Variants in PPP2R2C observed in about 807,000 individuals in gnomAD.
The protein encoded by PPP2R2C is protein phosphatase 2, regulatory subunit B, gamma.
Under a neutral mutation model 45.3 loss-of-function variants are expected in PPP2R2C, and 10 were observed. That is an observed-to-expected ratio of 0.22 (90% CI 0.14 to 0.37). PPP2R2C has a LOEUF of 0.37. PPP2R2C is among the 10% of genes least tolerant of loss of function. The pLI, the probability that PPP2R2C is intolerant of heterozygous loss-of-function variation, is 1.00. For missense variants in PPP2R2C, 308 were observed against 619.7 expected (o/e 0.50, Z 5.34); for synonymous variants, 257 against 245.4 (o/e 1.05, Z -0.44).
chr4:6,543,883 G>A (rs910929668), intron 1 of PPP2R2C, among the ~76,000 whole-genome samples: 6 of 152,274 alleles, frequency 3.9e-5, no homozygotes, highest in African/African-American at 7.2e-5. Context: ...TTTCTTTTAC[G>A]TGGGTCTGCT....
chr4:6,541,533 C>A (rs1724801953), intron 1 of PPP2R2C, among the ~76,000 whole-genome samples: 1 of 152,078 alleles, frequency 6.6e-6, no homozygotes. Flanking sequence ...CGCAGGGGAT[C>A]ATGAGTTGTT....
chr4:6,472,392 G>T lies in PPP2R2C; in HGVS notation c.-163C>A. Reference sequence around the variant, plus strand: ...TCGCGGCAGGGGGACGGGCGGGGGCGGCCGGGGGCGGGCGCCGCGGTCAAG... The same window carrying T: ...TCGCGGCAGGGGGACGGGCGGGGGCTGCCGGGGGCGGGCGCCGCGGTCAAG... On this transcript the variant is annotated 5_prime_UTR_variant, in exon 1 of 9. Coordinates refer to ENST00000382599, the MANE Select transcript of PPP2R2C (RefSeq NM_020416.4). 1 of 939,298 alleles carries T rather than the reference G, an allele frequency of 1.1e-6. No individual in the cohort carries two copies. The highest frequency in any genetic ancestry group is 1.3e-6 in the Non-Finnish European group (1 of 786,856). 58.2% of individuals were successfully genotyped at this position (939,298 alleles called of 1,614,324 possible). A position where few individuals can be genotyped will look rare whatever the true frequency, so the allele number is the denominator to read the frequency against.
chr4:6,332,492 C>T lies in PPP2R2C; in HGVS notation c.960+1070G>A, dbSNP rs1219484084. 6.6e-6 allele frequency among the ~76,000 whole-genome samples: 1 copy of T among 152,154 alleles called. No individual in the cohort carries two copies. The highest frequency in any genetic ancestry group is 2.4e-5 in the African/African-American group (1 of 41,422). On this transcript the variant is annotated intron_variant, in intron 7 of 8. Transcript: ENST00000382599. The surrounding 1 kb of genome is among the most constrained non-coding windows in gnomAD (Gnocchi z 4.9). ...AGGAGCGTGAGCTGTTCCTCTGGGG[C>T]CCAGGTCAGATCAGAGCAGCCCACC... is the stretch of plus-strand genomic sequence containing the variant.
At position 6,328,301 on chromosome 4, in the gene PPP2R2C, C is replaced by T. The variant is rs1251701601; in HGVS notation, c.1052+961G>A. 6.6e-6 allele frequency among the ~76,000 whole-genome samples: 1 copy of T among 152,200 alleles called. No individual in the cohort carries two copies. Among genetic ancestry groups the T allele is most frequent in the Non-Finnish European group, 1.5e-5 (1 of 68,028 alleles). On this transcript the variant is annotated intron_variant, in intron 8 of 8. Coordinates refer to ENST00000382599, the MANE Select transcript of PPP2R2C (RefSeq NM_020416.4). This position sits in a 1 kb window ranked among gnomAD's most constrained non-coding sequence, Gnocchi z 4.4. Reference sequence around the variant, plus strand: ...AGCCAGTGTAGTCTTTATCTCCACACTGTGTATCATCTGGAGACCCACTTC... The same window carrying T: ...AGCCAGTGTAGTCTTTATCTCCACATTGTGTATCATCTGGAGACCCACTTC...
At chr4:6,442,980 G>A (rs1301152297) in intron 1 of PPP2R2C, among the ~76,000 whole-genome samples, 3 of 152,206 alleles carry the variant, frequency 2.0e-5, no homozygotes, top group Non-Finnish European at 2.9e-5. Flanking sequence ...GAGATCTTGC[G>A]TGACTTTCCC....
intron 2 of PPP2R2C, among the ~76,000 whole-genome samples, chr4:6,480,677 A>G (rs938911075): frequency 4.6e-5 from 7 of 152,220 alleles, no homozygotes; most frequent in Non-Finnish European, 8.8e-5. Context: ...TAGGATGGAC[A>G]GGTGGAGGGC....
chr4:6,468,332 C>A (rs561517162), intron 1 of PPP2R2C, among the ~76,000 whole-genome samples: 2 of 152,318 alleles, frequency 1.3e-5, no homozygotes, highest in African/African-American at 4.8e-5. Flanking sequence ...AATTCCCAAG[C>A]ATCCTTCACT....
At chr4:6,357,541 T>C (rs1049341298) in intron 5 of PPP2R2C, among the ~76,000 whole-genome samples, 4 of 152,282 alleles carry the variant, frequency 2.6e-5, no homozygotes, top group African/African-American at 9.6e-5. Context: ...GCACAGTGGA[T>C]TTGCCCTGCC....
At chr4:6,357,856 C>T (rs183028954) in intron 5 of PPP2R2C, among the ~76,000 whole-genome samples, 8 of 151,970 alleles carry the variant, frequency 5.3e-5, no homozygotes, top group East Asian at 3.9e-4. Flanking sequence ...CCATCCCTTC[C>T]GAGGACACAG....
Position 6,327,150 on chromosome 4 carries a change from GA to G in PPP2R2C, c.1052+2111del, listed in dbSNP as rs1488666850. ...ACACCCACAGCCACTGGACACACCT[GA>G]GGTCCCCAGTGAAGGGCTCAGAACA... is the stretch of plus-strand genomic sequence containing the variant. On this transcript the variant is annotated intron_variant, in intron 8 of 8. Coordinates refer to ENST00000382599, the MANE Select transcript of PPP2R2C (RefSeq NM_020416.4). Among the ~76,000 whole-genome samples the G allele has an allele frequency of 5.3e-5, 8 of 152,184 alleles. No individual in the cohort carries two copies. In the East Asian group the frequency reaches 1.5e-3, roughly 29 times the overall value.
At chr4:6,361,992 C>T (rs1713788563) in intron 5 of PPP2R2C, among the ~76,000 whole-genome samples, 1 of 151,700 alleles carries the variant, frequency 6.6e-6, no homozygotes, top group African/African-American at 2.4e-5. Context: ...GGAATTATCC[C>T]GGCAGAGCTA....
chr4:6,552,884 C>CAAG (rs1172035468), intron 1 of PPP2R2C, among the ~76,000 whole-genome samples: 1 of 152,154 alleles, frequency 6.6e-6, no homozygotes, highest in African/African-American at 2.4e-5. Context: ...GTAGCAGAGG[C>CAAG]AAGAGCCAGT....
chr4:6,436,848 A>G (rs1719921365), intron 1 of PPP2R2C, among the ~76,000 whole-genome samples: 1 of 152,208 alleles, frequency 6.6e-6, no homozygotes, highest in South Asian at 2.1e-4. Context: ...TCAGATTAGC[A>G]TGTGGGCCAT....
At chr4:6,403,710 A>G (rs1717599068) in intron 1 of PPP2R2C, among the ~76,000 whole-genome samples, 1 of 152,112 alleles carries the variant, frequency 6.6e-6, no homozygotes, top group Non-Finnish European at 1.5e-5. Context: ...TAAAAATACA[A>G]AAGTTAGCTG....
intron 1 of PPP2R2C, among the ~76,000 whole-genome samples, chr4:6,457,831 A>T (rs1435657684): frequency 1.3e-5 from 2 of 152,230 alleles, no homozygotes; most frequent in African/African-American, 4.8e-5. Flanking sequence ...ACCTTACGAT[A>T]CCAAAAAAGC....
chr4:6,437,850 G>T (rs897720855), intron 1 of PPP2R2C, among the ~76,000 whole-genome samples: 1 of 152,108 alleles, frequency 6.6e-6, no homozygotes, highest in African/African-American at 2.4e-5. Context: ...GTAGATGCAT[G>T]GCCTCTGTTT....
intron 1 of PPP2R2C, among the ~76,000 whole-genome samples, chr4:6,400,613 T>C (rs1041120683): frequency 2.0e-5 from 3 of 152,238 alleles, no homozygotes; most frequent in Admixed American, 2.0e-4. Context: ...AAGGCATCTA[T>C]TGATCTAAGC....
chr4:6,437,271 A>C (rs540228279), intron 1 of PPP2R2C, among the ~76,000 whole-genome samples: 1 of 152,374 alleles, frequency 6.6e-6, no homozygotes, highest in African/African-American at 2.4e-5. Flanking sequence ...CCATTTCTTC[A>C]ACAAAGCTTG....
rs886598041 is a variant in PPP2R2C at position 6,364,712 on chromosome 4, G to C, written c.625+7811C>G. Among the ~76,000 whole-genome samples the C allele has an allele frequency of 6.6e-6, 1 of 152,154 alleles. No individual in the cohort carries two copies. The highest frequency in any genetic ancestry group is 1.5e-5 in the Non-Finnish European group (1 of 68,030). ...CACAGAGAACCCAAGTGAGCTGCCC[G>C]AGGCCGCGGAGTCCCTATGTCTTGG... On this transcript the variant is annotated intron_variant, in intron 5 of 8. Coordinates refer to ENST00000382599, the MANE Select transcript of PPP2R2C (RefSeq NM_020416.4). The surrounding 1 kb of genome is among the most constrained non-coding windows in gnomAD (Gnocchi z 5.3).
Sources: gnomAD v4.1 joint callset for allele counts (sites outside exome capture counted in the v4.1 genomes callset) on GRCh38, gnomAD v4.1.1 for gene constraint, Gnocchi (gnomAD v3.1) non-coding constraint, MANE v1.5 for transcripts, NCBI Gene and HGNC (gene_info 2026-07-23, HGNC 2026-07-21) for gene names.